MARCHF6: variants seen among roughly 807,000 people sequenced by gnomAD.
MARCHF6 encodes membrane associated ring-CH-type finger 6, also known as E3 ubiquitin-protein ligase MARCHF6.
In MARCHF6, 31 loss-of-function variants were observed where a neutral mutation model predicts 133.7. That is an observed-to-expected ratio of 0.23 (90% confidence interval 0.17 to 0.31). The LOEUF is 0.31. Among genes scored for constraint, MARCHF6 ranks in the 10% least tolerant of loss-of-function variants. The probability of loss-of-function intolerance (pLI) is 1.00; values close to 1 mark genes in which losing one functional copy is unlikely to be tolerated. For missense variants in MARCHF6, 723 were observed against 1,121.6 expected, an observed-to-expected ratio of 0.64 and a Z score of 5.08; for synonymous variants, 395 against 402.5, an observed-to-expected ratio of 0.98 and a Z score of 0.22.
rs1483543992 is a variant in MARCHF6 at position 10,381,316 on chromosome 5, T to G, written c.191-484T>G. ...CGGGAAAGTGGCTAACAAATGTCAG[T>G]GGGATGTTTGCTCCCACATGAAATG... On this transcript the variant is annotated intron_variant, in intron 3 of 25. Transcript: ENST00000274140. Among the ~76,000 whole-genome samples, 4 of 152,216 alleles carry G rather than the reference T, an allele frequency of 2.6e-5. No individual in the cohort carries two copies. The South Asian group carries it at 8.3e-4, about 31-fold the overall frequency.
intron 5 of MARCHF6, among the ~76,000 whole-genome samples, chr5:10,388,029 C>G (rs1270842465): frequency 6.6e-6 from 1 of 152,138 alleles, no homozygotes; most frequent in Non-Finnish European, 1.5e-5. Flanking sequence ...TAAATGTTTT[C>G]CATGATTATT....
At chr5:10,415,701 ATG>A in intron 21 of MARCHF6, 32 bp downstream of exon 21, 1 of 1,513,892 alleles carries the variant, frequency 6.6e-7, no homozygotes, top group Non-Finnish European at 8.9e-7. Flanking sequence ...CTGATCTTGT[ATG>A]TTAGGAATAG....
In MARCHF6 at chr5:10,386,906, C is replaced by T. The variant is rs147796631; in HGVS notation, c.335-88C>T. Reference sequence around the variant, plus strand: ...ATGTTTATTTCAGTGGCATTTGTGGCGTTCCACTTTACCTCTGCTTTCTTG... The same window carrying T: ...ATGTTTATTTCAGTGGCATTTGTGGTGTTCCACTTTACCTCTGCTTTCTTG... On this transcript the variant is annotated intron_variant, in intron 4 of 25. Transcript: ENST00000274140. 663 of 895,100 alleles carry T rather than the reference C, an allele frequency of 7.4e-4. 6 individuals carry two copies. In the African/African-American group the frequency reaches 9.0e-3, roughly 12 times the overall value. The allele number at this position is 895,100 out of a possible 1,614,324, so 55.4% of individuals were successfully genotyped here. A position where few individuals can be genotyped will look rare whatever the true frequency, so the allele number is the denominator to read the frequency against.
chr5:10,391,812 T>C, intron 7 of MARCHF6, 81 bp downstream of exon 7: 1 of 1,328,464 alleles, frequency 7.5e-7, no homozygotes. Flanking sequence ...GCTGGCGTTT[T>C]CAAATTTTTA....
chr5:10,407,063 G>T, intron 16 of MARCHF6, 39 bp from the exon 17 acceptor site: 1 of 1,142,662 alleles, frequency 8.8e-7, no homozygotes, highest in South Asian at 1.3e-5. Context: ...AGGAGTGATT[G>T]ACTCTTATAG....
At chr5:10,365,881 G>T (rs1006292131) in intron 1 of MARCHF6, among the ~76,000 whole-genome samples, 3 of 152,076 alleles carry the variant, frequency 2.0e-5, no homozygotes, top group Non-Finnish European at 2.9e-5. Context: ...AAGTAAGGGA[G>T]TGTGGTCATT....
At chr5:10,401,864 T>G (rs1738553067) in intron 11 of MARCHF6, 195 bp from the exon 12 acceptor site, 1 of 548,272 alleles carries the variant, frequency 1.8e-6, no homozygotes, top group Admixed American at 3.3e-5. Context: ...TTTCTTCATT[T>G]TTTAGTAATA....
intron 1 of MARCHF6, among the ~76,000 whole-genome samples, chr5:10,375,793 A>G (rs1246607674): frequency 2.0e-5 from 3 of 151,918 alleles, no homozygotes; most frequent in Non-Finnish European, 4.4e-5. Flanking sequence ...GGGATTGTAA[A>G]TACACCAATC....
chr5:10,416,167 A>T (rs996621264), intron 21 of MARCHF6, among the ~76,000 whole-genome samples: 1 of 152,122 alleles, frequency 6.6e-6, no homozygotes, highest in Non-Finnish European at 1.5e-5. Context: ...AACACATATG[A>T]CTCCCACAAA....
chr5:10,367,314 G>C (rs1736195828), intron 1 of MARCHF6, among the ~76,000 whole-genome samples: 1 of 152,218 alleles, frequency 6.6e-6, no homozygotes, highest in Admixed American at 6.5e-5. Context: ...TATTGGTTAA[G>C]TGTAACAAAA....
chr5:10,356,886 G>A (rs578102050), intron 1 of MARCHF6, among the ~76,000 whole-genome samples: 4 of 152,122 alleles, frequency 2.6e-5, no homozygotes, highest in South Asian at 2.1e-4. Context: ...ACTTAGTTCC[G>A]ACATGGCTGT....
chr5:10,365,590 C>T (rs1736096741), intron 1 of MARCHF6, among the ~76,000 whole-genome samples: 1 of 152,136 alleles, frequency 6.6e-6, no homozygotes, highest in Non-Finnish European at 1.5e-5. Flanking sequence ...CTGCACCTGG[C>T]CGAGAATTGG....
intron 25 of MARCHF6, among the ~76,000 whole-genome samples, chr5:10,430,302 G>C (rs1364277050): frequency 6.8e-6 from 1 of 147,682 alleles, no homozygotes; most frequent in Non-Finnish European, 1.5e-5. Context: ...TTTTTTGGTG[G>C]TGGTTTTTTT....
chr5:10,394,688 C>T (rs1738067975), intron 8 of MARCHF6, 65 bp from the exon 9 acceptor site: 1 of 1,298,762 alleles, frequency 7.7e-7, no homozygotes, highest in Admixed American at 1.9e-5. Context: ...TGAGGCTTTT[C>T]ATAAATTAGA....
At chr5:10,372,054 A>G (rs1345114904) in intron 1 of MARCHF6, among the ~76,000 whole-genome samples, 3 of 151,880 alleles carry the variant, frequency 2.0e-5, no homozygotes, top group African/African-American at 7.3e-5. Flanking sequence ...ATTGCTGCCA[A>G]TGTGAGTAGG....
intron 10 of MARCHF6, among the ~76,000 whole-genome samples, chr5:10,398,569 G>A (rs1407067097): frequency 1.3e-5 from 2 of 149,966 alleles, no homozygotes. Context: ...CTGTGAAACT[G>A]TTATGATCTT....
intron 3 of MARCHF6, 84 bp from the exon 4 acceptor site, chr5:10,381,716 T>C (rs894779200): frequency 9.3e-7 from 1 of 1,070,252 alleles, no homozygotes; most frequent in African/African-American, 1.6e-5. Flanking sequence ...ATATTGGAAG[T>C]TTAGTTAATG....
intron 20 of MARCHF6, among the ~76,000 whole-genome samples, chr5:10,414,936 C>G (rs981108591): frequency 9.9e-5 from 15 of 152,130 alleles, no homozygotes; most frequent in Non-Finnish European, 2.1e-4. Flanking sequence ...TTCAGATAGT[C>G]TTAACTTTTT....
intron 22 of MARCHF6, among the ~76,000 whole-genome samples, chr5:10,418,381 CAAAA>C (rs36005391): frequency 1.1e-5 from 1 of 92,248 alleles, no homozygotes. Context: ...ACCCTGTCTC[CAAAA>C]AAAAAAAAAA....
Sources: allele counts gnomAD v4.1 joint callset (sites outside exome capture counted in the v4.1 genomes callset), GRCh38; gene constraint gnomAD v4.1.1; transcripts MANE v1.5; gene names NCBI Gene and HGNC (gene_info 2026-07-23, HGNC 2026-07-21).